The following DNAJC11 variants were observed in gnomAD, a reference collection of about 807,000 sequenced individuals.
DNAJC11 encodes the protein dnaJ homolog subfamily C member 11.
In DNAJC11, 15 loss-of-function variants were observed where a neutral mutation model predicts 78.6. The observed-to-expected ratio is 0.19, with a 90% CI of 0.13 to 0.29. DNAJC11 has a LOEUF of 0.29. Among genes scored for constraint, DNAJC11 ranks in the 10% least tolerant of loss-of-function variants. The pLI is 1.00. For missense variants in DNAJC11, 547 were observed against 709.6 expected, an observed-to-expected ratio of 0.77 and a Z score of 2.60; for synonymous variants, 292 against 272.1, an observed-to-expected ratio of 1.07 and a Z score of -0.72.
chr1:6,699,315 T>G (rs1456958826), intron 1 of DNAJC11, among the ~76,000 whole-genome samples: 1 of 152,038 alleles, frequency 6.6e-6, no homozygotes, highest in Admixed American at 6.6e-5. Context: ...CAAACAAAAT[T>G]TCTTTGGCTC....
Position 6,635,466 on chromosome 1 carries a change from G to T in DNAJC11, c.*209C>A, listed in dbSNP as rs1439462367. On this transcript the variant is annotated 3_prime_UTR_variant, in exon 16 of 16. Coordinates refer to ENST00000377577, the MANE Select transcript of DNAJC11 (RefSeq NM_018198.4). ...CAGCCATGGGCCAGGCTGCAGTCTG[G>T]TTCCCAGTGGGGCTGCCTCAGTCCT... 3 of 560,234 alleles carry T rather than the reference G, an allele frequency of 5.4e-6. No individual in the cohort carries two copies. The highest frequency in any genetic ancestry group is 9.5e-6 in the Non-Finnish European group (3 of 316,900). 34.7% of individuals were successfully genotyped at this position (560,234 alleles called of 1,614,324 possible). A position where few individuals can be genotyped will look rare whatever the true frequency, so the allele number is the denominator to read the frequency against.
intron 10 of DNAJC11, among the ~76,000 whole-genome samples, chr1:6,641,802 G>A (rs749744737): frequency 1.3e-5 from 2 of 152,190 alleles, no homozygotes; most frequent in Non-Finnish European, 2.9e-5. Flanking sequence ...TTCCTCTCAA[G>A]TACCACGATG....
intron 9 of DNAJC11, among the ~76,000 whole-genome samples, 153 bp from the exon 10 acceptor site, chr1:6,644,827 C>T (rs1448441995): frequency 2.6e-5 from 4 of 152,186 alleles, no homozygotes; most frequent in Admixed American, 6.5e-5. Context: ...AGTTGGGACA[C>T]CCATGGTCTA....
intron 1 of DNAJC11, among the ~76,000 whole-genome samples, chr1:6,689,167 C>G (rs538199387): frequency 2.6e-5 from 4 of 152,140 alleles, no homozygotes; most frequent in Admixed American, 2.6e-4. Context: ...TAATTTGGTA[C>G]AGCTTGACTG....
chr1:6,654,152 G>T, intron 4 of DNAJC11, 113 bp from the exon 5 acceptor site: 2 of 1,364,718 alleles, frequency 1.5e-6, no homozygotes, highest in Non-Finnish European at 1.0e-6. Flanking sequence ...TGACTTCAGG[G>T]TTCACTGGGT....
At position 6,640,030 on chromosome 1, in the gene DNAJC11, G is replaced by A. The variant is rs1437616487; in HGVS notation, c.1125C>T (p.Phe375=). Residue 375 remains phenylalanine, a synonymous_variant, in exon 11 of 16, where the codon TTC becomes TTT. Transcript: ENST00000377577. The part of the protein sequence containing the change: ...VKLNRASQTY[F]FPIHLTDQLL... ...GCTGGTCCGTCAAGTGAATAGGGAA[G>A]AAGTATGTCTGACTGGCCCTGTTGA... The A allele has an allele frequency of 4.8e-6, 7 of 1,443,932 alleles. No homozygotes were observed. The highest frequency in any genetic ancestry group is 3.8e-5 in the Admixed American group (2 of 52,826). 89.4% of individuals were successfully genotyped at this position (1,443,932 alleles called of 1,614,324 possible).
At position 6,645,996 on chromosome 1, in the gene DNAJC11, C is replaced by T; in HGVS notation, c.705-18G>A. 5 of 1,613,260 alleles carry T rather than the reference C, an allele frequency of 3.1e-6. No homozygotes were observed. Among genetic ancestry groups the T allele is most frequent in the Non-Finnish European group, 4.2e-6 (5 of 1,179,408 alleles). On this transcript the variant is annotated intron_variant, in intron 7 of 15. Coordinates refer to ENST00000377577, the MANE Select transcript of DNAJC11 (RefSeq NM_018198.4). The surrounding 1 kb of genome is among the most constrained non-coding windows in gnomAD (Gnocchi z 4.1). ...TCACAAAGCTGGAGAGACACAGAGACAGAATAGGTCCTGGATAGCACCTGC... is the reference window on the plus strand; with the variant it reads ...TCACAAAGCTGGAGAGACACAGAGATAGAATAGGTCCTGGATAGCACCTGC...
At chr1:6,697,359 A>G (rs975625336) in intron 1 of DNAJC11, among the ~76,000 whole-genome samples, 5 of 152,216 alleles carry the variant, frequency 3.3e-5, no homozygotes, top group African/African-American at 1.2e-4. Context: ...GACTGGTTTC[A>G]TGGAAGATAA....
intron 1 of DNAJC11, among the ~76,000 whole-genome samples, chr1:6,691,374 T>C (rs1240323557): frequency 1.3e-5 from 2 of 152,108 alleles, no homozygotes; most frequent in African/African-American, 4.8e-5. Flanking sequence ...CTGCTACCAT[T>C]GTACAACTTG....
In DNAJC11 at chr1:6,634,614, C is replaced by G. The variant is rs748875908; in HGVS notation, c.*1061G>C. On this transcript the variant is annotated 3_prime_UTR_variant, in exon 16 of 16. Coordinates refer to ENST00000377577, the MANE Select transcript of DNAJC11 (RefSeq NM_018198.4). ...TCCAGGCCCCGAGAGACAGGCCTCA[C>G]GTAACTTTACTGCAGCCGAGGTCCA... 5.9e-6 allele frequency: 8 copies of G among 1,366,234 alleles called. No homozygotes were observed. The East Asian group carries it at 3.2e-4, about 54-fold the overall frequency. The allele number at this position is 1,366,234 out of a possible 1,614,324, so 84.6% of individuals were successfully genotyped here. A position where few individuals can be genotyped will look rare whatever the true frequency, so the allele number is the denominator to read the frequency against.
chr1:6,639,741 C>A (rs1446120237), intron 11 of DNAJC11, among the ~76,000 whole-genome samples, 161 bp downstream of exon 11: 1 of 152,186 alleles, frequency 6.6e-6, no homozygotes, highest in Non-Finnish European at 1.5e-5. Context: ...TAACATTTAC[C>A]AATCGTGACC....
Position 6,637,315 on chromosome 1 carries a change from G to A in DNAJC11, c.1407C>T (p.Tyr469=), listed in dbSNP as rs144647823. Residue 469 remains tyrosine, a synonymous_variant, in exon 14 of 16, where the codon TAC becomes TAT. Transcript: ENST00000377577. ...TGCTCTTGTCATTGACAAACTTCCCGTACCAGGCATTGACGATGATGAGGC... is the reference window on the plus strand; with the variant it reads ...TGCTCTTGTCATTGACAAACTTCCCATACCAGGCATTGACGATGATGAGGC... ...RMGLIIVNAW[Y]GKFVNDKSRK... The A allele has an allele frequency of 2.0e-5, 33 of 1,614,016 alleles. No individual in the cohort carries two copies. Among genetic ancestry groups the A allele is most frequent in the South Asian group, 4.4e-5 (4 of 91,082 alleles).
chr1:6,680,150 T>C lies in DNAJC11; in HGVS notation c.202+758A>G, dbSNP rs959086269. On this transcript the variant is annotated intron_variant, in intron 2 of 15. Coordinates refer to ENST00000377577, the MANE Select transcript of DNAJC11 (RefSeq NM_018198.4). This position sits in a 1 kb window ranked among gnomAD's most constrained non-coding sequence, Gnocchi z 4.0. ...AGATGGTTCTGGAACAAATAACTTA[T>C]TGTAGTTGATGTATATAACAGTGAT... Among the ~76,000 whole-genome samples, 4 of 152,274 alleles carry C rather than the reference T, an allele frequency of 2.6e-5. No individual in the cohort carries two copies. The highest frequency in any genetic ancestry group is 1.9e-4 in the East Asian group (1 of 5,204).
chr1:6,693,708 G>A (rs540896026), intron 1 of DNAJC11, among the ~76,000 whole-genome samples: 13 of 151,770 alleles, frequency 8.6e-5, no homozygotes, highest in Non-Finnish European at 1.5e-4. Context: ...TTTTATAGAC[G>A]GAGTCTCGCT....
intron 1 of DNAJC11, among the ~76,000 whole-genome samples, chr1:6,689,446 T>G (rs943944801): frequency 1.4e-4 from 22 of 152,142 alleles, no homozygotes; most frequent in Admixed American, 5.9e-4. Context: ...AGAGGTGAAT[T>G]TGAACACCTA....
chr1:6,678,553 C>A, intron 2 of DNAJC11, 86 bp from the exon 3 acceptor site: 2 of 1,066,422 alleles, frequency 1.9e-6, no homozygotes, highest in South Asian at 1.5e-5. Flanking sequence ...TAGGTAAGCC[C>A]ATCTCCTGTT....
intron 3 of DNAJC11, among the ~76,000 whole-genome samples, chr1:6,674,357 T>C (rs1485875548): frequency 1.3e-5 from 2 of 152,062 alleles, no homozygotes; most frequent in Non-Finnish European, 2.9e-5. Flanking sequence ...GGTCAGGAGT[T>C]CGAGACCAGC....
intron 1 of DNAJC11, among the ~76,000 whole-genome samples, chr1:6,701,062 G>T (rs1227625721): frequency 6.6e-6 from 1 of 152,168 alleles, no homozygotes; most frequent in African/African-American, 2.4e-5. Flanking sequence ...GAATGTTGAA[G>T]CTGTTGTTAG....
intron 4 of DNAJC11, among the ~76,000 whole-genome samples, chr1:6,658,123 A>G (rs1236789336): frequency 6.6e-6 from 1 of 152,178 alleles, no homozygotes; most frequent in Non-Finnish European, 1.5e-5. Flanking sequence ...TGATCGTGAG[A>G]TTGCAGCAAT....
Sources: allele counts gnomAD v4.1 joint callset (sites outside exome capture counted in the v4.1 genomes callset), GRCh38; gene constraint gnomAD v4.1.1; non-coding constraint Gnocchi (gnomAD v3.1); transcripts MANE v1.5; gene names NCBI Gene and HGNC (gene_info 2026-07-23, HGNC 2026-07-21).